Variants in DLGAP1 observed in about 807,000 individuals in gnomAD.
DLGAP1 encodes the protein DLG associated protein 1.
In DLGAP1, 11 loss-of-function variants were observed where a neutral mutation model predicts 90.8. That is an observed-to-expected ratio of 0.12 (90% confidence interval 0.08 to 0.20). The LOEUF is 0.20. DLGAP1 is among the 10% of genes least tolerant of loss of function. The pLI is 1.00. For missense variants in DLGAP1, 1,050 were observed against 1,333.8 expected (o/e 0.79, Z 3.31); for synonymous variants, 558 against 540.7 (o/e 1.03, Z -0.44).
At chr18:4,269,758 T>C (rs1268169637) in intron 1 of DLGAP1, among the ~76,000 whole-genome samples, 1 of 152,098 alleles carries the variant, frequency 6.6e-6, no homozygotes, top group African/African-American at 2.4e-5. Context: ...AAATGGCCAA[T>C]GATAAGTCTA....
chr18:3,724,161 C>A (rs1311583099), intron 7 of DLGAP1, among the ~76,000 whole-genome samples: 1 of 152,014 alleles, frequency 6.6e-6, no homozygotes, highest in Non-Finnish European at 1.5e-5. Context: ...TTCGTCTCTA[C>A]CTCTACAAAT....
At chr18:3,889,153 T>A (rs1256433811) in intron 3 of DLGAP1, among the ~76,000 whole-genome samples, 1 of 152,076 alleles carries the variant, frequency 6.6e-6, no homozygotes, top group Non-Finnish European at 1.5e-5. Flanking sequence ...TACTGATGAA[T>A]CTAGGAGAAA....
intron 7 of DLGAP1, among the ~76,000 whole-genome samples, chr18:3,615,869 T>C (rs548252950): frequency 6.6e-6 from 1 of 152,262 alleles, no homozygotes; most frequent in East Asian, 1.9e-4. Flanking sequence ...CAGGAATTTT[T>C]GCAAACATTT....
chr18:4,192,432 A>G (rs1315829743), intron 1 of DLGAP1, among the ~76,000 whole-genome samples: 2 of 152,214 alleles, frequency 1.3e-5, no homozygotes, highest in Non-Finnish European at 2.9e-5. Flanking sequence ...ACTTAGAAAT[A>G]GTAATACAAT....
At chr18:4,105,855 C>T (rs1048795874) in intron 2 of DLGAP1, among the ~76,000 whole-genome samples, 3 of 151,636 alleles carry the variant, frequency 2.0e-5, no homozygotes, top group Admixed American at 1.3e-4. Context: ...ACGGTGAAAC[C>T]CCGTCTCTAC....
intron 5 of DLGAP1, among the ~76,000 whole-genome samples, chr18:3,803,236 C>T (rs2066398113): frequency 1.3e-5 from 2 of 152,158 alleles, no homozygotes; most frequent in Admixed American, 1.3e-4. Context: ...TGAAGAAATG[C>T]AGCCTCAGGC....
intron 5 of DLGAP1, among the ~76,000 whole-genome samples, chr18:3,759,859 G>C (rs956379485): frequency 2.0e-5 from 3 of 152,306 alleles, no homozygotes; most frequent in Admixed American, 6.5e-5. Context: ...ACTGTCACCA[G>C]GTAAAAGTGA....
chr18:4,227,166 A>G (rs980694965), intron 1 of DLGAP1, among the ~76,000 whole-genome samples: 1 of 152,070 alleles, frequency 6.6e-6, no homozygotes, highest in Admixed American at 6.6e-5. Context: ...TAACAATTGT[A>G]AATATATATG....
chr18:3,901,968 T>C (rs956841541), intron 3 of DLGAP1, among the ~76,000 whole-genome samples: 9 of 152,174 alleles, frequency 5.9e-5, no homozygotes, highest in African/African-American at 1.9e-4. Flanking sequence ...TTTGTGGGCT[T>C]GTCTTTCCGC....
At chr18:3,973,290 CAAAAAAA>C (rs3031700) in intron 3 of DLGAP1, among the ~76,000 whole-genome samples, 2,547 of 134,856 alleles carry the variant, frequency 0.019, 53 homozygotes, top group African/African-American at 0.056. Flanking sequence ...TAGCCATAGC[CAAAAAAA>C]AAAAAAAAAA....
chr18:3,598,272 G>A (rs1273916949), intron 7 of DLGAP1: 3 of 152,042 alleles, frequency 2.0e-5, no homozygotes, highest in Non-Finnish European at 2.9e-5. Flanking sequence ...AGTCGTTTAG[G>A]CCTGGCAGGC....
chr18:3,545,375 A>T (rs2052954317), intron 9 of DLGAP1, among the ~76,000 whole-genome samples: 1 of 152,218 alleles, frequency 6.6e-6, no homozygotes, highest in South Asian at 2.1e-4. Context: ...ATTTCATCAA[A>T]AGATGAAAAA....
intron 2 of DLGAP1, among the ~76,000 whole-genome samples, chr18:4,021,388 GTC>G (rs1168900625): frequency 1.3e-5 from 2 of 151,928 alleles, no homozygotes; most frequent in Non-Finnish European, 2.9e-5. Context: ...ACCTCCCACT[GTC>G]TCTCTTTCTC....
intron 1 of DLGAP1, among the ~76,000 whole-genome samples, chr18:4,354,923 A>AAAAAAAAT: frequency 8.4e-6 from 1 of 118,962 alleles, no homozygotes; most frequent in East Asian, 2.5e-4. Flanking sequence ...AAAAAAAAAA[A>AAAAAAAAT]ATCCTCTCTA....
chr18:4,286,981 G>A (rs1195374643), intron 1 of DLGAP1, among the ~76,000 whole-genome samples: 1 of 152,120 alleles, frequency 6.6e-6, no homozygotes, highest in Non-Finnish European at 1.5e-5. Context: ...TTGAGGCCAT[G>A]AAGAGGTGCC....
At chr18:4,131,897 G>A (rs977997595) in intron 2 of DLGAP1, among the ~76,000 whole-genome samples, 6 of 152,282 alleles carry the variant, frequency 3.9e-5, no homozygotes, top group East Asian at 1.9e-4. Flanking sequence ...CATGAGGTAC[G>A]CAGCTGGCAC....
At chr18:4,300,723 T>C (rs1385715690) in intron 1 of DLGAP1, among the ~76,000 whole-genome samples, 1 of 152,118 alleles carries the variant, frequency 6.6e-6, no homozygotes, top group East Asian at 1.9e-4. Flanking sequence ...ACACTTTGAG[T>C]TCTCATATGT....
intron 7 of DLGAP1, among the ~76,000 whole-genome samples, chr18:3,583,179 TACC>T (rs59301997): frequency 1.4e-5 from 2 of 143,338 alleles, no homozygotes; most frequent in Admixed American, 6.9e-5. Context: ...CCTACCTACC[TACC>T]TACCTTCCTT....
rs553384008 is a variant in DLGAP1, at chr18:3,865,039, T to C, written c.957+14073A>G. On this transcript the variant is annotated intron_variant, in intron 4 of 12. Transcript: ENST00000315677. ...TTCTGGTTCACAGTAGGCTGAGAGA[T>C]AACCATCTGGTCTCCCAAAAAGTAA... 6.6e-5 allele frequency among the ~76,000 whole-genome samples: 10 copies of C among 152,166 alleles called. 1 individual carries two copies. The highest frequency in any genetic ancestry group is 4.1e-4 in the South Asian group (2 of 4,826).
Sources: gnomAD v4.1 joint callset for allele counts (sites outside exome capture counted in the v4.1 genomes callset) on GRCh38, gnomAD v4.1.1 for gene constraint, MANE v1.5 for transcripts, NCBI Gene and HGNC (gene_info 2026-07-23, HGNC 2026-07-21) for gene names.